Variants in EIF2AK4 observed in about 807,000 individuals in gnomAD.
EIF2AK4 encodes the protein eukaryotic translation initiation factor 2 alpha kinase 4, also known as eIF-2-alpha kinase GCN2.
In EIF2AK4, 139 loss-of-function variants were observed where a neutral mutation model predicts 211.1. The observed-to-expected ratio is 0.66, with a 90% CI of 0.57 to 0.76. EIF2AK4 has a LOEUF of 0.76. Among genes scored for constraint, EIF2AK4 ranks in the 30% least tolerant of loss-of-function variants. The probability of loss-of-function intolerance (pLI) is 0.00; values close to 1 mark genes in which losing one functional copy is unlikely to be tolerated. For missense variants in EIF2AK4, 1,664 were observed against 2,043.8 expected, an observed-to-expected ratio of 0.81 and a Z score of 3.58; for synonymous variants, 710 against 751.3, an observed-to-expected ratio of 0.94 and a Z score of 0.90.
At chr15:39,941,829 G>C (rs1383110458) in intron 2 of EIF2AK4, among the ~76,000 whole-genome samples, 1 of 152,068 alleles carries the variant, frequency 6.6e-6, no homozygotes, top group Non-Finnish European at 1.5e-5. Context: ...CCAGATGTTG[G>C]CAGATATCCC....
chr15:39,944,634 C>A (rs509966), intron 3 of EIF2AK4, among the ~76,000 whole-genome samples: 1 of 152,022 alleles, frequency 6.6e-6, no homozygotes, highest in Non-Finnish European at 1.5e-5. Context: ...GGGGTTTCAC[C>A]GTGTTAGCCA....
intron 3 of EIF2AK4, among the ~76,000 whole-genome samples, chr15:39,944,962 T>A (rs1369696536): frequency 6.6e-6 from 1 of 152,122 alleles, no homozygotes; most frequent in Non-Finnish European, 1.5e-5. Context: ...CAGTGATTGA[T>A]GAGATTTAGA....
At position 40,017,670 on chromosome 15, in the gene EIF2AK4, C is replaced by T. The variant is rs376372582; in HGVS notation, c.4065+428C>T. ...AAATGATTCTCTCACCTTAGCCTCC[C>T]GAGTAGCTGAGACTACAGGCATGCA... On this transcript the variant is annotated intron_variant, in intron 29 of 38. Transcript: ENST00000263791. Among the ~76,000 whole-genome samples the T allele has an allele frequency of 1.2e-4, 18 of 150,372 alleles. No individual in the cohort carries two copies. The East Asian group carries it at 3.3e-3, about 28-fold the overall frequency.
At chr15:40,005,949 A>G (rs948043898) in intron 23 of EIF2AK4, among the ~76,000 whole-genome samples, 1 of 151,652 alleles carries the variant, frequency 6.6e-6, no homozygotes, top group Non-Finnish European at 1.5e-5. Context: ...CATGGATCCA[A>G]CCGAGGATGG....
At chr15:40,000,074 T>G (rs2035070366) in intron 20 of EIF2AK4, among the ~76,000 whole-genome samples, 1 of 152,234 alleles carries the variant, frequency 6.6e-6, no homozygotes, top group Non-Finnish European at 1.5e-5. Context: ...GCTTATAGAA[T>G]GAGCATAGCA....
At chr15:39,935,329 T>C (rs1310306578) in intron 1 of EIF2AK4, among the ~76,000 whole-genome samples, 1 of 151,732 alleles carries the variant, frequency 6.6e-6, no homozygotes, top group African/African-American at 2.4e-5. Flanking sequence ...TAGTTCTAAC[T>C]TCATCTGCTT....
intron 25 of EIF2AK4, 148 bp downstream of exon 25, chr15:40,008,343 G>A: frequency 3.8e-6 from 3 of 797,614 alleles, no homozygotes; most frequent in Non-Finnish European, 5.7e-6. Context: ...GAGCTTGCTG[G>A]TGTTGCTTTT....
intron 23 of EIF2AK4, among the ~76,000 whole-genome samples, chr15:40,006,488 C>T (rs895034660): frequency 3.3e-5 from 5 of 152,100 alleles, no homozygotes; most frequent in African/African-American, 1.2e-4. Flanking sequence ...TTTGGCCCAT[C>T]AGTGGTAATG....
intron 1 of EIF2AK4, among the ~76,000 whole-genome samples, chr15:39,938,663 G>A (rs770898961): frequency 6.6e-6 from 1 of 152,164 alleles, no homozygotes; most frequent in Non-Finnish European, 1.5e-5. Flanking sequence ...GAGGAGACAG[G>A]GTTTGGAGTT....
rs766436054 is a variant in EIF2AK4, at chr15:40,003,228, C to T, written c.3271C>T (p.Arg1091Ter). The change falls in exon 23 of 39, where the codon CGA becomes TGA. Residue 1091 changes from arginine to a stop codon, truncating the protein, a stop_gained. Coordinates refer to ENST00000263791, the MANE Select transcript of EIF2AK4 (RefSeq NM_001013703.4). LOFTEE classifies it high-confidence loss of function. ...GTTGTGTACTCCACTACTGCTTCCCCGAAACAGACAAATATATGAGCACAA... is the reference window on the plus strand; with the variant it reads ...GTTGTGTACTCCACTACTGCTTCCCTGAAACAGACAAATATATGAGCACAA... ...VQLCTPLLLP[R>*]NRQIYEHNEA... is the part of the protein sequence containing the mutation. 1.2e-6 allele frequency: 2 copies of T among 1,614,130 alleles called. No individual in the cohort carries two copies. Among genetic ancestry groups the T allele is most frequent in the Admixed American group, 1.7e-5 (1 of 60,022 alleles).
chr15:39,945,184 T>C (rs1222902330), intron 3 of EIF2AK4, among the ~76,000 whole-genome samples: 2 of 152,098 alleles, frequency 1.3e-5, no homozygotes, highest in Admixed American at 1.3e-4. Flanking sequence ...TCTCACCATC[T>C]TGCCCAGGCT....
intron 11 of EIF2AK4, chr15:39,975,274 C>G (rs1566991154): frequency 6.9e-6 from 1 of 145,108 alleles, no homozygotes; most frequent in Non-Finnish European, 1.5e-5. Flanking sequence ...GCATTCAGAC[C>G]CACCTCTGTT....
intron 6 of EIF2AK4, among the ~76,000 whole-genome samples, chr15:39,956,496 GAC>G (rs1201150026): frequency 6.6e-6 from 1 of 152,210 alleles, no homozygotes; most frequent in African/African-American, 2.4e-5. Context: ...GCACAGGTGA[GAC>G]ATCTGTTACA....
intron 13 of EIF2AK4, among the ~76,000 whole-genome samples, chr15:39,978,942 A>G (rs1566992564): frequency 6.6e-6 from 1 of 152,228 alleles, no homozygotes; most frequent in South Asian, 2.1e-4. Flanking sequence ...AAGTCACTAC[A>G]CAGAAAAGAT....
chr15:39,955,920 AGGTGTATTTTT>A, intron 6 of EIF2AK4, 152 bp downstream of exon 6: 1 of 685,602 alleles, frequency 1.5e-6, no homozygotes, highest in Non-Finnish European at 2.1e-6. Context: ...GCAATATATT[AGGTGTATTTTT>A]AGCAATATGA....
chr15:39,975,809 T>C (rs1302349879), intron 11 of EIF2AK4, among the ~76,000 whole-genome samples: 1 of 152,238 alleles, frequency 6.6e-6, no homozygotes, highest in Admixed American at 6.5e-5. Flanking sequence ...CCTTTCTCTG[T>C]GAGGCCTTGA....
Position 40,017,164 on chromosome 15 carries a change from C to T in EIF2AK4, c.3987C>T (p.Phe1329=). The change falls in exon 29 of 39, where the codon TTC becomes TTT. Residue 1329 remains phenylalanine (F), a synonymous_variant. Transcript: ENST00000263791. ...YKVQQHNGII[F]QFVAFIKRRQ... ...TGCAGCAGCACAATGGAATCATCTTCCAGTTTGTGGCTTTCATCAAACGAA... is the reference window on the plus strand; with the variant it reads ...TGCAGCAGCACAATGGAATCATCTTTCAGTTTGTGGCTTTCATCAAACGAA... 1.2e-6 allele frequency: 2 copies of T among 1,614,008 alleles called. No homozygotes were observed. Among genetic ancestry groups the T allele is most frequent in the Non-Finnish European group, 1.7e-6 (2 of 1,179,934 alleles).
At chr15:39,999,060 G>C (rs1356188689) in intron 20 of EIF2AK4, among the ~76,000 whole-genome samples, 4 of 149,626 alleles carry the variant, frequency 2.7e-5, no homozygotes, top group African/African-American at 7.4e-5. Flanking sequence ...TGGCTTAGCT[G>C]TTGAAAAAAA....
At chr15:39,963,892 T>C (rs1270796874) in intron 7 of EIF2AK4, among the ~76,000 whole-genome samples, 2 of 152,198 alleles carry the variant, frequency 1.3e-5, no homozygotes, top group Non-Finnish European at 2.9e-5. Flanking sequence ...GAAACAAATA[T>C]TGCAAAACAC....
Sources: allele counts gnomAD v4.1 joint callset (sites outside exome capture counted in the v4.1 genomes callset), GRCh38; gene constraint gnomAD v4.1.1; transcripts MANE v1.5; gene names NCBI Gene and HGNC (gene_info 2026-07-23, HGNC 2026-07-21).